Variants in SUMF1 observed in about 807,000 individuals in gnomAD.
SUMF1 encodes sulfatase modifying factor 1.
A neutral mutation model predicts 47.6 loss-of-function variants in SUMF1; 48 were observed. The ratio of observed to expected loss-of-function variants is 1.01; its 90% CI spans 0.80 to 1.28. SUMF1 has a LOEUF of 1.28. SUMF1 is among the 50% of genes most tolerant of loss of function. The probability of loss-of-function intolerance (pLI) is 0.00; values close to 1 mark genes in which losing one functional copy is unlikely to be tolerated. For synonymous variants in SUMF1, 230 were observed against 192.1 expected, an observed-to-expected ratio of 1.20 and a Z score of -1.63; for missense variants, 571 against 485.4, an observed-to-expected ratio of 1.18 and a Z score of -1.66.
At chr3:4,205,065 C>A (rs1695622476) in intron 8 of SUMF1, among the ~76,000 whole-genome samples, 1 of 152,118 alleles carries the variant, frequency 6.6e-6, no homozygotes, top group African/African-American at 2.4e-5. Flanking sequence ...GTGACCTGCA[C>A]ATATACATCC....
intron 8 of SUMF1, among the ~76,000 whole-genome samples, chr3:4,230,296 G>C (rs982983488): frequency 2.0e-5 from 3 of 152,044 alleles, no homozygotes; most frequent in Non-Finnish European, 4.4e-5. Flanking sequence ...CCACAAGACT[G>C]CCCTCATTTC....
chr3:4,132,831 G>A (rs1331327239), intron 8 of SUMF1, among the ~76,000 whole-genome samples: 1 of 152,136 alleles, frequency 6.6e-6, no homozygotes, highest in Non-Finnish European at 1.5e-5. Flanking sequence ...AGGTAAGGAA[G>A]AGTATGCATG....
chr3:4,175,836 G>C (rs150651269), intron 8 of SUMF1, among the ~76,000 whole-genome samples: 1 of 152,130 alleles, frequency 6.6e-6, no homozygotes, highest in Non-Finnish European at 1.5e-5. Context: ...GTGTAGAGAA[G>C]ACCTTAAATG....
intron 8 of SUMF1, among the ~76,000 whole-genome samples, chr3:4,165,187 T>C (rs1306126622): frequency 1.3e-5 from 2 of 152,156 alleles, no homozygotes; most frequent in East Asian, 3.8e-4. Context: ...CGCATTCTTT[T>C]CATTAAAGGC....
At position 4,338,750 on chromosome 3, in the gene SUMF1, T is replaced by C. The variant is rs535158326; in HGVS notation, c.1014+37580A>G. On this transcript the variant is annotated intron_variant and NMD_transcript_variant, in intron 8 of 12. Transcript: ENST00000448413. Reference sequence around the variant, plus strand: ...TCTAGTACGTAGAGTCTCATATGTATACCTAGTACAGAGTCTCTCACAGGT... The same window carrying C: ...TCTAGTACGTAGAGTCTCATATGTACACCTAGTACAGAGTCTCTCACAGGT... Among the ~76,000 whole-genome samples, 22 of 152,228 alleles carry C rather than the reference T, an allele frequency of 1.4e-4. No individual in the cohort carries two copies. The South Asian group carries it at 4.4e-3, about 30-fold the overall frequency.
intron 8 of SUMF1, among the ~76,000 whole-genome samples, chr3:4,346,688 C>T (rs560782096): frequency 2.0e-5 from 3 of 151,564 alleles, no homozygotes; most frequent in Admixed American, 2.0e-4. Context: ...CAGAGAAGAA[C>T]TGAAGATGAG....
rs1699785405 is a variant in SUMF1, at chr3:4,362,178, C to T, written c.1091G>A (p.Arg364His). The T allele has an allele frequency of 1.9e-6, 3 of 1,614,178 alleles. No homozygotes were observed. Among genetic ancestry groups the T allele is most frequent in the East Asian group, 2.2e-5 (1 of 44,872 alleles). ...PDSSASNLGFRCAADRLPTMD is the reference protein window; with the variant it reads ...PDSSASNLGFHCAADRLPTMD ...AGTGGGCAGGCGGTCGGCTGCACAG[C>T]GGAATCCCAGATTCGAAGCAGAGCT... is the stretch of plus-strand genomic sequence containing the variant. Residue 364 changes from arginine to histidine, a missense_variant, in exon 9 of 9, where the codon CGC (arginine) becomes CAC (histidine). Coordinates refer to ENST00000272902, the MANE Select transcript of SUMF1 (RefSeq NM_182760.4).
At chr3:4,259,932 G>A (rs533002358) in intron 8 of SUMF1, among the ~76,000 whole-genome samples, 11 of 151,578 alleles carry the variant, frequency 7.3e-5, no homozygotes, top group African/African-American at 1.9e-4. Flanking sequence ...CAACTAACTG[G>A]AATGCTCAGA....
intron 7 of SUMF1, among the ~76,000 whole-genome samples, chr3:4,399,631 A>G (rs1701144613): frequency 6.6e-6 from 1 of 152,222 alleles, no homozygotes; most frequent in South Asian, 2.1e-4. Context: ...AGAAAAAACA[A>G]TCTGTCCAGG....
chr3:4,067,867 A>G (rs1695414332), intron 9 of SUMF1, among the ~76,000 whole-genome samples: 1 of 152,182 alleles, frequency 6.6e-6, no homozygotes, highest in South Asian at 2.1e-4. Context: ...GCACAGAACA[A>G]GGTAGAGAGG....
chr3:4,184,072 T>C (rs1452812716), intron 8 of SUMF1, among the ~76,000 whole-genome samples: 1 of 150,738 alleles, frequency 6.6e-6, no homozygotes, highest in African/African-American at 2.4e-5. Flanking sequence ...GAAGAGGAGG[T>C]TGCAATAAGT....
chr3:4,455,383 C>A lies in SUMF1; in HGVS notation c.271-2334G>T, dbSNP rs140310247. ...ACTGAATCAAGAAAAAGTAGAAAAT[C>A]TGAACAGACTGATAACAAATAAGGA... On this transcript the variant is annotated intron_variant, in intron 1 of 8. Transcript: ENST00000272902. Among the ~76,000 whole-genome samples the A allele has an allele frequency of 7.1e-3, 1,080 of 152,224 alleles. 3 individuals are homozygous for A. The highest frequency in any genetic ancestry group is 0.034 in the Middle Eastern group (10 of 294).
intron 8 of SUMF1, among the ~76,000 whole-genome samples, chr3:4,271,875 C>T (rs963366956): frequency 3.9e-5 from 6 of 152,152 alleles, no homozygotes; most frequent in Admixed American, 1.3e-4. Flanking sequence ...AGGAGTTCCT[C>T]GGAATTCTGC....
At chr3:4,388,433 T>A (rs1575163318) in intron 7 of SUMF1, among the ~76,000 whole-genome samples, 4 of 152,238 alleles carry the variant, frequency 2.6e-5, no homozygotes, top group Admixed American at 2.6e-4. Context: ...CATCATTTTG[T>A]TGTCAACTTG....
At chr3:4,251,579 A>G (rs1406691096) in intron 8 of SUMF1, among the ~76,000 whole-genome samples, 1 of 152,210 alleles carries the variant, frequency 6.6e-6, no homozygotes, top group Non-Finnish European at 1.5e-5. Flanking sequence ...GGCAAGCTTC[A>G]TTGTTGTCTT....
chr3:4,171,538 G>T (rs1233798022), intron 8 of SUMF1, among the ~76,000 whole-genome samples: 2 of 152,038 alleles, frequency 1.3e-5, no homozygotes, highest in Non-Finnish European at 2.9e-5. Context: ...ATTTTTTATT[G>T]TTTACTTGCC....
At chr3:4,296,962 T>C (rs1697865256) in intron 8 of SUMF1, among the ~76,000 whole-genome samples, 1 of 152,176 alleles carries the variant, frequency 6.6e-6, no homozygotes, top group Admixed American at 6.5e-5. Flanking sequence ...CTGTCCTCTC[T>C]CCTTATCACT....
At chr3:4,356,579 A>AT (rs397831653), downstream of SUMF1, among the ~76,000 whole-genome samples, 85 of 146,818 alleles carry the variant, frequency 5.8e-4, no homozygotes, top group East Asian at 3.5e-3. Flanking sequence ...AATACATACA[A>AT]TTTTTTTTTT....
intron 3 of SUMF1, among the ~76,000 whole-genome samples, chr3:4,438,730 G>A (rs1018334289): frequency 6.6e-6 from 1 of 151,922 alleles, no homozygotes. Flanking sequence ...AACACTCTCA[G>A]CAATTACTAA....
Sources: gnomAD v4.1 joint callset for allele counts (sites outside exome capture counted in the v4.1 genomes callset) on GRCh38, gnomAD v4.1.1 for gene constraint, MANE v1.5 for transcripts, NCBI Gene and HGNC (gene_info 2026-07-23, HGNC 2026-07-21) for gene names.